Variants in NCAM2 observed in about 807,000 individuals in gnomAD.
The protein encoded by NCAM2 is N-CAM-2.
A neutral mutation model predicts 98.1 loss-of-function variants in NCAM2; 30 were observed. The ratio of observed to expected loss-of-function variants is 0.31; its 90% CI spans 0.23 to 0.41. The LOEUF is 0.41. NCAM2 is among the 10% of genes least tolerant of loss of function. The pLI, the probability that NCAM2 is intolerant of heterozygous loss-of-function variation, is 1.00. For missense variants in NCAM2, 867 were observed against 1,005.8 expected (o/e 0.86, Z 1.87); for synonymous variants, 368 against 342.4 (o/e 1.07, Z -0.83).
chr21:21,338,055 A>C (rs1241751052), intron 7 of NCAM2, among the ~76,000 whole-genome samples: 1 of 152,116 alleles, frequency 6.6e-6, no homozygotes, highest in African/African-American at 2.4e-5. Context: ...AAAGGAAGAA[A>C]TTTTGATTTT....
chr21:21,400,177 A>G (rs879589523), intron 9 of NCAM2, among the ~76,000 whole-genome samples: 2 of 152,188 alleles, frequency 1.3e-5, no homozygotes, highest in Non-Finnish European at 2.9e-5. Flanking sequence ...GAGGAAGGTG[A>G]CACATTCAGA....
At chr21:21,070,814 T>G (rs745917150) in intron 1 of NCAM2, among the ~76,000 whole-genome samples, 2 of 152,202 alleles carry the variant, frequency 1.3e-5, no homozygotes, top group Admixed American at 1.3e-4. Flanking sequence ...TACATCCTGT[T>G]GGTAAGTAGT....
At chr21:21,154,892 G>A (rs965099325) in intron 1 of NCAM2, among the ~76,000 whole-genome samples, 7 of 151,758 alleles carry the variant, frequency 4.6e-5, no homozygotes, top group African/African-American at 7.3e-5. Flanking sequence ...ACAAGAAGCC[G>A]TACCACCATC....
intron 1 of NCAM2, among the ~76,000 whole-genome samples, chr21:21,106,314 CAA>C (rs202018731): frequency 2.5e-3 from 258 of 103,416 alleles, no homozygotes; most frequent in Non-Finnish European, 3.1e-3. Context: ...GTCTCAAAAG[CAA>C]AAAAAAAAAA....
chr21:21,481,841 C>T (rs1985915023), intron 15 of NCAM2, among the ~76,000 whole-genome samples: 1 of 152,156 alleles, frequency 6.6e-6, no homozygotes, highest in South Asian at 2.1e-4. Context: ...CAGTGGCTCA[C>T]GCCTATAATC....
chr21:21,027,917 C>T (rs924381039), intron 1 of NCAM2, among the ~76,000 whole-genome samples: 2 of 150,392 alleles, frequency 1.3e-5, no homozygotes, highest in African/African-American at 4.9e-5. Context: ...AGTGCGGTGG[C>T]ACGATCTCGG....
chr21:21,088,828 C>A (rs8131279), intron 1 of NCAM2, among the ~76,000 whole-genome samples: 1 of 151,588 alleles, frequency 6.6e-6, no homozygotes, highest in Non-Finnish European at 1.5e-5. Flanking sequence ...AAAAATTAGC[C>A]GGGCGTGGTG....
intron 9 of NCAM2, among the ~76,000 whole-genome samples, chr21:21,409,497 C>T (rs905490343): frequency 6.6e-6 from 1 of 152,096 alleles, no homozygotes; most frequent in Non-Finnish European, 1.5e-5. Context: ...GCTTAGATTT[C>T]ATACCTGAGT....
At chr21:21,490,373 A>G (rs1043517988) in intron 15 of NCAM2, among the ~76,000 whole-genome samples, 22 of 152,004 alleles carry the variant, frequency 1.4e-4, no homozygotes, top group Non-Finnish European at 2.8e-4. Flanking sequence ...AAGTAGAATT[A>G]AACTTAATTT....
chr21:21,206,683 T>C (rs570085429), intron 1 of NCAM2, among the ~76,000 whole-genome samples: 2 of 152,170 alleles, frequency 1.3e-5, no homozygotes, highest in Non-Finnish European at 2.9e-5. Flanking sequence ...TTATAACTTT[T>C]TCAATTTTGT....
In NCAM2 at chr21:21,069,041, TAAGATA is replaced by T. The variant is rs1441437458; in HGVS notation, c.55+70425_55+70430del. ...CATGTGACTTTAAAAACTGATTTTA[TAAGATA>T]ATGTACTCTAGCTAATTTGCATATG... On this transcript the variant is annotated intron_variant, in intron 1 of 17. Coordinates refer to ENST00000400546, the MANE Select transcript of NCAM2 (RefSeq NM_004540.5). Among the ~76,000 whole-genome samples the T allele has an allele frequency of 7.2e-5, 11 of 152,304 alleles. No individual in the cohort carries two copies. In the South Asian group the frequency reaches 1.9e-3, roughly 26 times the overall value.
At chr21:21,500,592 T>A (rs1353444127) in intron 15 of NCAM2, among the ~76,000 whole-genome samples, 1 of 152,144 alleles carries the variant, frequency 6.6e-6, no homozygotes. Context: ...GAAAGTCATG[T>A]TCTTTCAAAT....
intron 1 of NCAM2, among the ~76,000 whole-genome samples, chr21:21,180,555 T>A (rs1195937494): frequency 1.3e-5 from 2 of 152,192 alleles, no homozygotes; most frequent in African/African-American, 4.8e-5. Flanking sequence ...AATTTATTTA[T>A]TCAAAAAATG....
intron 9 of NCAM2, among the ~76,000 whole-genome samples, chr21:21,380,563 G>T (rs1163551548): frequency 4.7e-5 from 7 of 148,452 alleles, no homozygotes; most frequent in African/African-American, 1.2e-4. Context: ...CTGTTTTCTT[G>T]TTTTTTTTTT....
intron 10 of NCAM2, among the ~76,000 whole-genome samples, chr21:21,412,816 A>G (rs1294521803): frequency 6.6e-6 from 1 of 152,052 alleles, no homozygotes; most frequent in Non-Finnish European, 1.5e-5. Context: ...TAACAATAAT[A>G]TAAAGAGAAA....
intron 1 of NCAM2, among the ~76,000 whole-genome samples, chr21:21,234,826 C>T (rs2070756306): frequency 6.6e-6 from 1 of 151,890 alleles, no homozygotes; most frequent in African/African-American, 2.4e-5. Context: ...ATTGCTGTTA[C>T]CGTGCTGAGA....
intron 1 of NCAM2, among the ~76,000 whole-genome samples, chr21:21,125,712 T>TAGAGAGAG (rs1369606850): frequency 0.052 from 1,882 of 36,058 alleles, 46 homozygotes; most frequent in East Asian, 0.16. Context: ...CATATATATA[T>TAGAGAGAG]ATAGAGAGAG....
intron 5 of NCAM2, among the ~76,000 whole-genome samples, chr21:21,293,288 A>AT (rs34325709): frequency 7.9e-4 from 118 of 149,118 alleles, no homozygotes; most frequent in Admixed American, 3.5e-3. Context: ...TGGTGATCTA[A>AT]TTTTTTTTTT....
intron 1 of NCAM2, among the ~76,000 whole-genome samples, chr21:21,245,684 C>A (rs1174973806): frequency 6.6e-6 from 1 of 152,206 alleles, no homozygotes; most frequent in East Asian, 1.9e-4. Context: ...CACCAAAGTT[C>A]ATAAACTGTT....
Sources: gnomAD v4.1 joint callset for allele counts (sites outside exome capture counted in the v4.1 genomes callset) on GRCh38, gnomAD v4.1.1 for gene constraint, MANE v1.5 for transcripts, NCBI Gene and HGNC (gene_info 2026-07-23, HGNC 2026-07-21) for gene names.